Variants in PITPNC1 observed in about 807,000 individuals in gnomAD.
The protein encoded by PITPNC1 is cytoplasmic phosphatidylinositol transfer protein 1.
PITPNC1 carries 18 observed loss-of-function variants against 44.7 expected under a neutral mutation model. That is an observed-to-expected ratio of 0.40 (90% confidence interval 0.28 to 0.60). PITPNC1 has a LOEUF of 0.60. Ranked by LOEUF, PITPNC1 falls within the 20% of genes least tolerant of loss-of-function variation. The pLI, the probability that PITPNC1 is intolerant of heterozygous loss-of-function variation, is 0.39. For synonymous variants in PITPNC1, 141 were observed against 149.6 expected, an observed-to-expected ratio of 0.94 and a Z score of 0.42; for missense variants, 290 against 418.4, an observed-to-expected ratio of 0.69 and a Z score of 2.68.
intron 5 of PITPNC1, among the ~76,000 whole-genome samples, chr17:67,581,570 C>A (rs2041234398): frequency 2.6e-5 from 4 of 152,336 alleles, no homozygotes; most frequent in Middle Eastern, 6.8e-3. Context: ...GCCCCCCAGG[C>A]TCTGCTTGAC....
intron 1 of PITPNC1, among the ~76,000 whole-genome samples, chr17:67,477,097 A>T (rs1381295306): frequency 6.6e-6 from 1 of 152,066 alleles, no homozygotes; most frequent in Non-Finnish European, 1.5e-5. Context: ...TTGTTTATTT[A>T]TGAGACAGGT....
At chr17:67,632,426 G>A (rs961264240) in intron 6 of PITPNC1, 188 bp downstream of exon 6, 1 of 588,944 alleles carries the variant, frequency 1.7e-6, no homozygotes, top group Non-Finnish European at 3.0e-6. Context: ...ACCATCATTG[G>A]CCCTGGCTGT....
chr17:67,464,483 C>G (rs1598701246), intron 1 of PITPNC1, among the ~76,000 whole-genome samples: 1 of 152,052 alleles, frequency 6.6e-6, no homozygotes, highest in Admixed American at 6.6e-5. Flanking sequence ...GTTTTCAGTC[C>G]TCAAGGACCC....
At chr17:67,462,698 A>AT (rs34015766) in intron 1 of PITPNC1, among the ~76,000 whole-genome samples, 5,475 of 122,344 alleles carry the variant, frequency 0.045, 497 homozygotes, top group African/African-American at 0.15. Flanking sequence ...CACAATTGGA[A>AT]TTTTTTTTTT....
intron 6 of PITPNC1, among the ~76,000 whole-genome samples, chr17:67,650,441 C>CTTTTTTTTT (rs34611864): frequency 3.1e-4 from 22 of 70,996 alleles, no homozygotes; most frequent in East Asian, 1.0e-3. Flanking sequence ...AAACCATAGG[C>CTTTTTTTTT]TTTTTTTTTT....
intron 5 of PITPNC1, among the ~76,000 whole-genome samples, chr17:67,583,918 T>TGTGTGTGTG (rs2041274489): frequency 1.4e-5 from 2 of 145,746 alleles, no homozygotes; most frequent in Admixed American, 6.9e-5. Context: ...TGTGTTTGTG[T>TGTGTGTGTG]TTAGTAGAGA....
chr17:67,378,343 G>A, intron 1 of PITPNC1, 141 bp downstream of exon 1: 1 of 526,174 alleles, frequency 1.9e-6, no homozygotes, highest in Admixed American at 4.4e-5. Context: ...AGGAGAGGAG[G>A]GAGGGGATTT....
chr17:67,404,598 C>G (rs2038369307), intron 1 of PITPNC1, among the ~76,000 whole-genome samples: 1 of 152,174 alleles, frequency 6.6e-6, no homozygotes, highest in Admixed American at 6.6e-5. Context: ...TGCTCTAAAC[C>G]TGCATCCATC....
At position 67,694,975 on chromosome 17, in the gene PITPNC1, T is replaced by TA. The variant is rs1397853028; in HGVS notation, c.*2090dup. 6.6e-6 allele frequency: 1 copy of TA among 152,218 alleles called. No individual in the cohort carries two copies. Among genetic ancestry groups the TA allele is most frequent in the Non-Finnish European group, 1.5e-5 (1 of 68,026 alleles). 9.4% of individuals were successfully genotyped at this position (152,218 alleles called of 1,614,324 possible). A position where few individuals can be genotyped will look rare whatever the true frequency, so the allele number is the denominator to read the frequency against. ...AATGTATTTATTTTGTGCAGGCTGT[T>TA]AAACACATCTGGCACCTAGTTTTTC... On this transcript the variant is annotated 3_prime_UTR_variant, in exon 9 of 9. Coordinates refer to ENST00000581322, the MANE Select transcript of PITPNC1 (RefSeq NM_012417.4).
At chr17:67,471,450 G>A (rs1568003506) in intron 1 of PITPNC1, 3 of 360,272 alleles carry the variant, frequency 8.3e-6, no homozygotes, top group Admixed American at 8.8e-5. Flanking sequence ...GTGGACCTAC[G>A]TCTTCATTTG....
At chr17:67,445,027 A>T (rs2039075798) in intron 1 of PITPNC1, among the ~76,000 whole-genome samples, 1 of 151,318 alleles carries the variant, frequency 6.6e-6, no homozygotes, top group African/African-American at 2.4e-5. Flanking sequence ...GGGGAAAAGG[A>T]GATGGGGAAG....
At chr17:67,414,098 G>GA (rs200463268) in intron 1 of PITPNC1, among the ~76,000 whole-genome samples, 69,347 of 145,212 alleles carry the variant, frequency 0.48, 16,645 homozygotes, top group African/African-American at 0.59. Flanking sequence ...AGTTTGAACT[G>GA]AAAAAAAAAA....
At chr17:67,627,681 T>G (rs531277302) in intron 5 of PITPNC1, among the ~76,000 whole-genome samples, 1 of 152,252 alleles carries the variant, frequency 6.6e-6, no homozygotes, top group East Asian at 1.9e-4. Flanking sequence ...AGAGGCGGTT[T>G]TGTTTTTGTT....
intron 5 of PITPNC1, among the ~76,000 whole-genome samples, chr17:67,610,919 C>CAAA (rs35933545): frequency 2.5e-5 from 2 of 81,350 alleles, no homozygotes; most frequent in African/African-American, 4.5e-5. Flanking sequence ...GACTCTGTCT[C>CAAA]AAAAAAAAAA....
intron 1 of PITPNC1, among the ~76,000 whole-genome samples, chr17:67,379,838 A>G (rs2037930498): frequency 6.6e-6 from 1 of 152,204 alleles, no homozygotes; most frequent in Non-Finnish European, 1.5e-5. Flanking sequence ...CATGAAATAC[A>G]CAGAAAATTG....
chr17:67,656,712 C>CAATT (rs1260206889), intron 6 of PITPNC1, among the ~76,000 whole-genome samples: 5 of 152,078 alleles, frequency 3.3e-5, no homozygotes, highest in African/African-American at 1.2e-4. Context: ...TGAAACTTGC[C>CAATT]TGTGGAAAGG....
chr17:67,422,675 G>C (rs917230749), intron 1 of PITPNC1, among the ~76,000 whole-genome samples: 1 of 152,042 alleles, frequency 6.6e-6, no homozygotes, highest in Non-Finnish European at 1.5e-5. Context: ...AGCCTCCTGC[G>C]TAGCTGGGAT....
intron 1 of PITPNC1, among the ~76,000 whole-genome samples, chr17:67,478,915 C>A (rs1476591661): frequency 2.0e-5 from 3 of 150,868 alleles, no homozygotes; most frequent in Non-Finnish European, 4.4e-5. Context: ...ATATATATTT[C>A]TTTCTTCTCC....
chr17:67,493,154 T>G (rs752967092), intron 1 of PITPNC1, among the ~76,000 whole-genome samples: 1 of 152,214 alleles, frequency 6.6e-6, no homozygotes, highest in Non-Finnish European at 1.5e-5. Context: ...CAGTAACCAC[T>G]CTTTAATGTG....
Sources: allele counts gnomAD v4.1 joint callset (sites outside exome capture counted in the v4.1 genomes callset), GRCh38; gene constraint gnomAD v4.1.1; transcripts MANE v1.5; gene names NCBI Gene and HGNC (gene_info 2026-07-23, HGNC 2026-07-21).